ACAP2: variants seen among roughly 807,000 people sequenced by gnomAD.
The protein encoded by ACAP2 is arf-GAP with coiled-coil, ANK repeat and PH domain-containing protein 2.
In ACAP2, 39 loss-of-function variants were observed where a neutral mutation model predicts 115.8. That is an observed-to-expected ratio of 0.34 (90% CI 0.26 to 0.44). The LOEUF (loss-of-function observed/expected upper bound fraction) is 0.44. Among genes scored for constraint, ACAP2 ranks in the 20% least tolerant of loss-of-function variants. ACAP2 has a pLI of 1.00. For synonymous variants in ACAP2, 289 were observed against 315.8 expected, an observed-to-expected ratio of 0.92 and a Z score of 0.90; for missense variants, 662 against 927.6, an observed-to-expected ratio of 0.71 and a Z score of 3.72.
Position 195,342,531 on chromosome 3 carries a change from G to A in ACAP2, c.468C>T (p.Thr156=). The A allele has an allele frequency of 1.9e-6, 3 of 1,612,502 alleles. No individual in the cohort carries two copies. Among genetic ancestry groups the A allele is most frequent in the Non-Finnish European group, 8.5e-7 (1 of 1,179,598 alleles). The part of the protein sequence containing the change: ...RNKQHEVEEA[T]NILTATRKCF... Reference sequence around the variant, plus strand: ...ATTTTCTTGTTGCTGTCAGAATGTTGGTGGCTTCTTCAACTTCATGTTGTT... The same window carrying A: ...ATTTTCTTGTTGCTGTCAGAATGTTAGTGGCTTCTTCAACTTCATGTTGTT... Residue 156 remains threonine, a synonymous_variant, in exon 6 of 23, where the codon ACC becomes ACT. Transcript: ENST00000326793.
intron 1 of ACAP2, among the ~76,000 whole-genome samples, chr3:195,437,206 G>C (rs1715610037): frequency 7.2e-6 from 1 of 138,384 alleles, no homozygotes; most frequent in Admixed American, 7.2e-5. Flanking sequence ...GCCACATTTG[G>C]CTAATTTTTT....
intron 21 of ACAP2, among the ~76,000 whole-genome samples, chr3:195,288,808 G>T (rs1475070936): frequency 1.3e-5 from 2 of 151,914 alleles, no homozygotes; most frequent in African/African-American, 4.8e-5. Flanking sequence ...CAGGGAGCCG[G>T]TGCACTCCAC....
At chr3:195,433,167 T>G (rs951767014) in intron 1 of ACAP2, among the ~76,000 whole-genome samples, 1 of 152,212 alleles carries the variant, frequency 6.6e-6, no homozygotes, top group African/African-American at 2.4e-5. Context: ...GCACTGTATT[T>G]GCAAATAACC....
chr3:195,299,357 G>A (rs1284438702), intron 15 of ACAP2, among the ~76,000 whole-genome samples: 1 of 145,874 alleles, frequency 6.9e-6, no homozygotes, highest in Non-Finnish European at 1.5e-5. Flanking sequence ...ATCACTTGAG[G>A]CCAGGAGTTC....
At chr3:195,389,024 T>C (rs966358356) in intron 2 of ACAP2, among the ~76,000 whole-genome samples, 4 of 150,196 alleles carry the variant, frequency 2.7e-5, no homozygotes, top group Non-Finnish European at 5.9e-5. Flanking sequence ...AATCCATTTC[T>C]TAAAAAAAAA....
intron 2 of ACAP2, among the ~76,000 whole-genome samples, chr3:195,391,225 TTTC>T (rs1241324697): frequency 1.1e-4 from 9 of 83,698 alleles, no homozygotes; most frequent in African/African-American, 3.5e-4. Context: ...AAAGCTTCTC[TTTC>T]TTTTTTTTTT....
rs544675326 is a variant in ACAP2 at position 195,342,401 on chromosome 3, G to A, written c.528+70C>T. On this transcript the variant is annotated intron_variant, in intron 6 of 22. Coordinates refer to ENST00000326793, the MANE Select transcript of ACAP2 (RefSeq NM_012287.6). ...TAAAAGTATTTATTCTTCTTAGGGC[G>A]ATCACTCAAAAGTAACAACCTGTTT... The A allele has an allele frequency of 9.5e-5, 132 of 1,383,740 alleles. No homozygotes were observed. The African/African-American group carries it at 1.6e-3, about 17-fold the overall frequency. The allele number at this position is 1,383,740 out of a possible 1,614,324, so 85.7% of individuals were successfully genotyped here.
intron 4 of ACAP2, among the ~76,000 whole-genome samples, chr3:195,354,828 T>C (rs187092181): frequency 6.6e-6 from 1 of 152,370 alleles, no homozygotes; most frequent in East Asian, 1.9e-4. Context: ...GAATGTCAAG[T>C]ATTTCATGAA....
At chr3:195,396,013 G>C (rs1010587661) in intron 1 of ACAP2, among the ~76,000 whole-genome samples, 3 of 152,132 alleles carry the variant, frequency 2.0e-5, no homozygotes, top group African/African-American at 7.2e-5. Flanking sequence ...CACTTTGGGA[G>C]GCTGAAGTGG....
intron 9 of ACAP2, among the ~76,000 whole-genome samples, chr3:195,321,315 C>T (rs765835188): frequency 6.7e-6 from 1 of 149,796 alleles, no homozygotes; most frequent in Non-Finnish European, 1.5e-5. Context: ...CTCTGCCTCC[C>T]GGGTTCAAGT....
At chr3:195,440,811 T>C (rs1457060183) in intron 1 of ACAP2, among the ~76,000 whole-genome samples, 3 of 152,214 alleles carry the variant, frequency 2.0e-5, no homozygotes, top group African/African-American at 7.2e-5. Flanking sequence ...GTCTTCCCTC[T>C]ATTGCAAATC....
intron 4 of ACAP2, among the ~76,000 whole-genome samples, chr3:195,376,210 A>G (rs1048835484): frequency 6.6e-6 from 1 of 152,078 alleles, no homozygotes; most frequent in Non-Finnish European, 1.5e-5. Flanking sequence ...CCTGGCCAAC[A>G]TGGTGAAACC....
intron 9 of ACAP2, among the ~76,000 whole-genome samples, chr3:195,323,955 G>C (rs1729609957): frequency 6.6e-6 from 1 of 152,084 alleles, no homozygotes; most frequent in East Asian, 1.9e-4. Context: ...TTGAGAGGAT[G>C]GATACCCCGT....
intron 1 of ACAP2, 62 bp from the exon 2 acceptor site, chr3:195,392,209 A>T: frequency 7.7e-7 from 1 of 1,305,976 alleles, no homozygotes; most frequent in Non-Finnish European, 1.1e-6. Context: ...TTACTCTTGA[A>T]AAGTAACTCT....
rs1727714730 is a variant in ACAP2, at chr3:195,297,270, C to T, written c.1407G>A (p.Glu469=). ...CTCGATTTATAACATCATTCCCCAA[C>T]TCACACATAAGCTGTTTGGCAAAAA... The part of the protein sequence containing the change: ...WEPELLKLMC[E]LGNDVINRVY... The change falls in exon 16 of 23, where the codon GAG becomes GAA. Residue 469 remains glutamate, a synonymous_variant. Coordinates refer to ENST00000326793, the MANE Select transcript of ACAP2 (RefSeq NM_012287.6). 2 of 1,612,498 alleles carry T rather than the reference C, an allele frequency of 1.2e-6. No individual in the cohort carries two copies. Among genetic ancestry groups the T allele is most frequent in the East Asian group, 4.5e-5 (2 of 44,744 alleles).
chr3:195,377,138 CTTTTTTTTTT>C lies in ACAP2; in HGVS notation c.285+3861_285+3870del, dbSNP rs749352761. 2.6e-3 allele frequency among the ~76,000 whole-genome samples: 200 copies of C among 77,122 alleles called. 2 individuals are homozygous for C. Among genetic ancestry groups the C allele is most frequent in the African/African-American group, 9.7e-3 (183 of 18,910 alleles). 50.6% of individuals were successfully genotyped at this position (77,122 alleles called of 152,430 possible). A position where few individuals can be genotyped will look rare whatever the true frequency, so the allele number is the denominator to read the frequency against. ...CATTTTACAGAGGAGGAATGTAAAT[CTTTTTTTTTT>C]TTTTTTTTTTTTTGGAAACAAGGTC... On this transcript the variant is annotated intron_variant, in intron 4 of 22. Transcript: ENST00000326793.
chr3:195,279,600 G>GA, intron 22 of ACAP2, 172 bp from the exon 23 acceptor site: 3 of 396,914 alleles, frequency 7.6e-6, no homozygotes, highest in South Asian at 7.9e-5. Flanking sequence ...ATTATGCAAT[G>GA]AAAGAAAAAA....
chr3:195,325,477 A>T, intron 9 of ACAP2: 1 of 422,822 alleles, frequency 2.4e-6, no homozygotes, highest in Non-Finnish European at 4.6e-6. Flanking sequence ...ATTTAGGGGC[A>T]GAAAAGAGGT....
chr3:195,344,117 C>T (rs1381440385), intron 5 of ACAP2, among the ~76,000 whole-genome samples: 2 of 152,132 alleles, frequency 1.3e-5, no homozygotes, highest in African/African-American at 2.4e-5. Flanking sequence ...ACTCAGGAGG[C>T]TGAGGTGGGA....
Sources: gnomAD v4.1 joint callset for allele counts (sites outside exome capture counted in the v4.1 genomes callset) on GRCh38, gnomAD v4.1.1 for gene constraint, MANE v1.5 for transcripts, NCBI Gene and HGNC (gene_info 2026-07-23, HGNC 2026-07-21) for gene names.